Variants in ERBB4 observed in about 807,000 individuals in gnomAD.
ERBB4 encodes the protein receptor tyrosine-protein kinase erbB-4.
ERBB4 carries 42 observed loss-of-function variants against 158.0 expected under a neutral mutation model. The ratio of observed to expected loss-of-function variants is 0.27; its 90% CI spans 0.21 to 0.34. The LOEUF (loss-of-function observed/expected upper bound fraction) is 0.34, where lower values mean the gene tolerates loss of function less well. Among genes scored for constraint, ERBB4 ranks in the 10% least tolerant of loss-of-function variants. ERBB4 has a pLI of 1.00. For synonymous variants in ERBB4, 583 were observed against 558.7 expected (o/e 1.04, Z -0.61); for missense variants, 1,333 against 1,624.1 (o/e 0.82, Z 3.08).
At chr2:212,293,852 AAAAAAAC>A (rs1316283244) in intron 1 of ERBB4, among the ~76,000 whole-genome samples, 2 of 137,310 alleles carry the variant, frequency 1.5e-5, no homozygotes, top group Non-Finnish European at 3.2e-5. Flanking sequence ...TGTCTCAAAA[AAAAAAAC>A]AAAAAAAAAA....
chr2:211,901,723 A>C (rs893698858), intron 3 of ERBB4, among the ~76,000 whole-genome samples: 1 of 152,178 alleles, frequency 6.6e-6, no homozygotes, highest in Admixed American at 6.6e-5. Flanking sequence ...TTGTCAAGGA[A>C]AATTGACAGC....
intron 3 of ERBB4, among the ~76,000 whole-genome samples, chr2:211,867,565 G>C (rs998524196): frequency 2.6e-5 from 4 of 152,114 alleles, no homozygotes; most frequent in Admixed American, 6.6e-5. Context: ...AAAACATGTA[G>C]ATATATGAAT....
chr2:212,255,660 C>T (rs1310800711), intron 1 of ERBB4, among the ~76,000 whole-genome samples: 1 of 151,988 alleles, frequency 6.6e-6, no homozygotes, highest in Admixed American at 6.6e-5. Flanking sequence ...CATCCCTAAG[C>T]TGAAGGTTTG....
At chr2:211,433,576 C>CG (rs2063788854) in intron 20 of ERBB4, among the ~76,000 whole-genome samples, 1 of 144,040 alleles carries the variant, frequency 6.9e-6, no homozygotes, top group Non-Finnish European at 1.5e-5. Context: ...GTGAGACTCT[C>CG]AAAAAAAAAT....
chr2:212,002,677 T>C (rs1043499316), intron 2 of ERBB4, among the ~76,000 whole-genome samples: 1 of 151,846 alleles, frequency 6.6e-6, no homozygotes, highest in African/African-American at 2.4e-5. Flanking sequence ...ACACAGTAAA[T>C]AATATTGAGG....
intron 3 of ERBB4, among the ~76,000 whole-genome samples, chr2:211,930,508 G>C (rs16847218): frequency 1.3e-5 from 2 of 151,942 alleles, no homozygotes; most frequent in African/African-American, 2.4e-5. Flanking sequence ...TGTGGTTACC[G>C]AGTCTGCAAA....
At chr2:212,007,481 C>A (rs1174882799) in intron 2 of ERBB4, among the ~76,000 whole-genome samples, 1 of 151,762 alleles carries the variant, frequency 6.6e-6, no homozygotes, top group East Asian at 1.9e-4. Context: ...AGGAAATACT[C>A]AAAAATCAAT....
intron 1 of ERBB4, among the ~76,000 whole-genome samples, chr2:212,460,151 A>G (rs774482707): frequency 1.3e-5 from 2 of 152,168 alleles, no homozygotes; most frequent in Admixed American, 6.6e-5. Flanking sequence ...GCCTTCCACC[A>G]TGATTGTGAG....
chr2:212,229,700 T>G (rs2083599112), intron 1 of ERBB4, among the ~76,000 whole-genome samples: 1 of 152,038 alleles, frequency 6.6e-6, no homozygotes, highest in African/African-American at 2.4e-5. Context: ...AGGTGATAAA[T>G]AATGAGGATC....
At chr2:211,992,568 AAAAAAAAAAAAAACAT>A (rs2082103851) in intron 2 of ERBB4, among the ~76,000 whole-genome samples, 1 of 76,532 alleles carries the variant, frequency 1.3e-5, no homozygotes, top group Admixed American at 1.5e-4. Context: ...AGAGAGAGAG[AAAAAAAAAAAAAACAT>A]GAGTTTGTCA....
intron 25 of ERBB4, among the ~76,000 whole-genome samples, chr2:211,418,408 T>A (rs2063441182): frequency 6.6e-6 from 1 of 152,122 alleles, no homozygotes; most frequent in South Asian, 2.1e-4. Context: ...ACAATGATAT[T>A]TAATCACCAT....
At chr2:212,440,803 T>A (rs898203797) in intron 1 of ERBB4, among the ~76,000 whole-genome samples, 2 of 152,190 alleles carry the variant, frequency 1.3e-5, no homozygotes, top group South Asian at 4.1e-4. Flanking sequence ...TATACATACA[T>A]AACACCTTTG....
chr2:211,582,931 G>T (rs1433939499), intron 19 of ERBB4, among the ~76,000 whole-genome samples: 1 of 152,080 alleles, frequency 6.6e-6, no homozygotes, highest in East Asian at 1.9e-4. Context: ...AAGCAGGAAT[G>T]CACTTGAGAA....
chr2:211,432,312 C>T (rs530131727), intron 20 of ERBB4, among the ~76,000 whole-genome samples: 21 of 152,176 alleles, frequency 1.4e-4, no homozygotes, highest in Middle Eastern at 3.4e-3. Flanking sequence ...AATTATGAAC[C>T]GTATACCTGG....
intron 3 of ERBB4, among the ~76,000 whole-genome samples, chr2:211,926,918 G>C (rs766049947): frequency 2.0e-5 from 3 of 151,678 alleles, no homozygotes; most frequent in Non-Finnish European, 4.4e-5. Flanking sequence ...TCCTATCCTC[G>C]GTTATACTTA....
chr2:212,217,997 G>T (rs867406763), intron 1 of ERBB4, among the ~76,000 whole-genome samples: 6 of 151,176 alleles, frequency 4.0e-5, no homozygotes, highest in African/African-American at 1.5e-4. Context: ...TAAATTAGAT[G>T]AGAAAAAAGT....
chr2:212,309,634 G>A (rs1394733446), intron 1 of ERBB4, among the ~76,000 whole-genome samples: 3 of 150,682 alleles, frequency 2.0e-5, no homozygotes, highest in African/African-American at 4.8e-5. Flanking sequence ...TTAAGATGAT[G>A]TAACTAATTC....
chr2:212,033,772 C>T (rs2076954437), intron 2 of ERBB4, among the ~76,000 whole-genome samples: 1 of 151,848 alleles, frequency 6.6e-6, no homozygotes, highest in Admixed American at 6.6e-5. Context: ...AATATAATCT[C>T]TGCTACTTAT....
intron 2 of ERBB4, among the ~76,000 whole-genome samples, chr2:211,970,193 T>G (rs2081412771): frequency 6.6e-6 from 1 of 152,306 alleles, no homozygotes; most frequent in South Asian, 2.1e-4. Flanking sequence ...CATAATTGTA[T>G]AATTTTGAGT....
Sources: allele counts gnomAD v4.1 joint callset (sites outside exome capture counted in the v4.1 genomes callset), GRCh38; gene constraint gnomAD v4.1.1; transcripts MANE v1.5; gene names NCBI Gene and HGNC (gene_info 2026-07-23, HGNC 2026-07-21).